APOL6: variants seen among roughly 807,000 people sequenced by gnomAD.
The protein encoded by APOL6 is apolipoprotein L6.
In APOL6, 1 loss-of-function variant was observed where a neutral mutation model predicts 2.4. The observed-to-expected ratio is 0.41, with a 90% CI of 0.15 to 1.94. The LOEUF (loss-of-function observed/expected upper bound fraction) is 1.94, where lower values mean the gene tolerates loss of function less well. Ranked by LOEUF, APOL6 falls within the 30% of genes most tolerant of loss-of-function variation. The pLI is 0.30. For synonymous variants in APOL6, 189 were observed against 169.3 expected, an observed-to-expected ratio of 1.12 and a Z score of -0.90; for missense variants, 438 against 429.2, an observed-to-expected ratio of 1.02 and a Z score of -0.18.
chr22:35,668,018 CT>C lies in APOL6; in HGVS notation c.*8424del, dbSNP rs1375294857. The C allele has an allele frequency of 6.6e-6, 1 of 152,180 alleles. No individual in the cohort carries two copies. Among genetic ancestry groups the C allele is most frequent in the African/African-American group, 2.4e-5 (1 of 41,430 alleles). 9.4% of individuals were successfully genotyped at this position (152,180 alleles called of 1,614,324 possible). Reference sequence around the variant, plus strand: ...CTCCAGCATTAACATCAACACAGACCTTAAGGCTGATAAGAAGCATTTACAA... The same window carrying C: ...CTCCAGCATTAACATCAACACAGACCTAAGGCTGATAAGAAGCATTTACAA... On this transcript the variant is annotated 3_prime_UTR_variant, in exon 3 of 3. Transcript: ENST00000409652.
In APOL6 at chr22:35,662,029, T is replaced by C. The variant is rs2413361; in HGVS notation, c.*2433T>C. 0.99 allele frequency: 150,248 copies of C among 152,290 alleles called. 74,124 individuals carry two copies. The highest frequency in any genetic ancestry group is 1 in the East Asian group (5,176 of 5,178). The allele number at this position is 152,290 out of a possible 1,614,324, so 9.4% of individuals were successfully genotyped here. On this transcript the variant is annotated 3_prime_UTR_variant, in exon 3 of 3. Coordinates refer to ENST00000409652, the MANE Select transcript of APOL6 (RefSeq NM_030641.4). ...CTTGAGCAACTTTTAATTATTCTCCTGTCCTGCAATATGAGTTAATCTTCT... is the reference window on the plus strand; with the variant it reads ...CTTGAGCAACTTTTAATTATTCTCCCGTCCTGCAATATGAGTTAATCTTCT...
rs1344717398 is a variant in APOL6, at chr22:35,661,107, A to G, written c.*1511A>G. On this transcript the variant is annotated 3_prime_UTR_variant, in exon 3 of 3. Coordinates refer to ENST00000409652, the MANE Select transcript of APOL6 (RefSeq NM_030641.4). ...GCAAAGTTTGCCTTATTACACTGAT[A>G]AAGTGTAATTACACTAATAAAGCTG... 6.6e-6 allele frequency: 1 copy of G among 152,142 alleles called. No homozygotes were observed. Among genetic ancestry groups the G allele is most frequent in the Non-Finnish European group, 1.5e-5 (1 of 68,036 alleles). 9.4% of individuals were successfully genotyped at this position (152,142 alleles called of 1,614,324 possible).
At chr22:35,658,590 A>G (rs770328467) in intron 2 of APOL6, 25 bp from the exon 3 acceptor site, 1 of 1,557,184 alleles carries the variant, frequency 6.4e-7, no homozygotes, top group Non-Finnish European at 8.7e-7. Flanking sequence ...AGCTGAAGCA[A>G]AATCTTTATT....
chr22:35,655,587 A>G (rs1924823920), intron 1 of APOL6, among the ~76,000 whole-genome samples: 1 of 152,096 alleles, frequency 6.6e-6, no homozygotes, highest in Non-Finnish European at 1.5e-5. Flanking sequence ...TTAACTATAT[A>G]AAAAAACTAT....
chr22:35,653,794 T>G (rs1924767427), intron 1 of APOL6, among the ~76,000 whole-genome samples: 1 of 152,194 alleles, frequency 6.6e-6, no homozygotes, highest in Non-Finnish European at 1.5e-5. Flanking sequence ...ACAGTTTAAC[T>G]CAATTCTGAC....
In APOL6 at chr22:35,656,429, G is replaced by A; in HGVS notation, c.4G>A (p.Asp2Asn). ...AGATTTGCTGCCACAGAGGCTGATG[G>A]ACAACCAGGCGGAGAGAGAAAGTGA... Reference protein sequence around the residue: MDNQAERESEAG... With the variant: MNNQAERESEAG... Residue 2 changes from aspartate (D) to asparagine (N), a missense_variant, in exon 2 of 3, where the codon GAC (aspartate) becomes AAC (asparagine). By Grantham distance (23) the Asp-to-Asn change is conservative. Transcript: ENST00000409652. 6.2e-7 allele frequency: 1 copy of A among 1,614,114 alleles called. No homozygotes were observed. Among genetic ancestry groups the A allele is most frequent in the Non-Finnish European group, 8.5e-7 (1 of 1,179,990 alleles).
In APOL6 at chr22:35,667,633, A is replaced by G. The variant is rs1925224034; in HGVS notation, c.*8037A>G. 1.3e-5 allele frequency: 2 copies of G among 152,256 alleles called. No homozygotes were observed. Among genetic ancestry groups the G allele is most frequent in the African/African-American group, 4.8e-5 (2 of 41,468 alleles). The allele number at this position is 152,256 out of a possible 1,614,324, so 9.4% of individuals were successfully genotyped here. On this transcript the variant is annotated 3_prime_UTR_variant, in exon 3 of 3. Transcript: ENST00000409652. Reference sequence around the variant, plus strand: ...ATATAAACTTTCAGGGGACACAGACATTCAGACTATAGCACCAAGCTGTAG... The same window carrying G: ...ATATAAACTTTCAGGGGACACAGACGTTCAGACTATAGCACCAAGCTGTAG...
In APOL6 at chr22:35,649,632, C is replaced by A. The variant is rs149917837; in HGVS notation, c.-48+1009C>A. 2.0e-5 allele frequency among the ~76,000 whole-genome samples: 3 copies of A among 152,088 alleles called. No homozygotes were observed. In the East Asian group the frequency reaches 5.8e-4, roughly 29 times the overall value. On this transcript the variant is annotated intron_variant, in intron 1 of 2. Coordinates refer to ENST00000409652, the MANE Select transcript of APOL6 (RefSeq NM_030641.4). ...AAATCCTCTTCCAATAAACCTCTCA[C>A]AAGCAAATCCTCTCGCAACCACCAA...
intron 1 of APOL6, among the ~76,000 whole-genome samples, chr22:35,651,911 C>T (rs1924708020): frequency 2.0e-5 from 3 of 152,086 alleles, no homozygotes; most frequent in Non-Finnish European, 2.9e-5. Context: ...GAGTATATAC[C>T]CAGTAATGGG....
At chr22:35,656,846 G>A (rs1288169316) in intron 2 of APOL6, among the ~76,000 whole-genome samples, 1 of 152,162 alleles carries the variant, frequency 6.6e-6, no homozygotes, top group African/African-American at 2.4e-5. Context: ...ACAAATTAAT[G>A]AATTTAAGCC....
intron 1 of APOL6, among the ~76,000 whole-genome samples, chr22:35,652,208 G>A (rs1173378196): frequency 2.0e-5 from 3 of 152,138 alleles, no homozygotes; most frequent in Non-Finnish European, 4.4e-5. Flanking sequence ...TTTGAGAAGT[G>A]TCTGTTCATA....
chr22:35,655,301 T>G (rs539149490), intron 1 of APOL6, among the ~76,000 whole-genome samples: 2 of 152,278 alleles, frequency 1.3e-5, no homozygotes, highest in African/African-American at 4.8e-5. Context: ...GAAAATTATT[T>G]TTTCCTCTCT....
chr22:35,660,522 G>C lies in APOL6; in HGVS notation c.*926G>C, dbSNP rs1161120026. 2.6e-5 allele frequency: 4 copies of C among 152,256 alleles called. No homozygotes were observed. The highest frequency in any genetic ancestry group is 5.9e-5 in the Non-Finnish European group (4 of 68,044). The allele number at this position is 152,256 out of a possible 1,614,324, so 9.4% of individuals were successfully genotyped here. A position where few individuals can be genotyped will look rare whatever the true frequency, so the allele number is the denominator to read the frequency against. On this transcript the variant is annotated 3_prime_UTR_variant, in exon 3 of 3. Coordinates refer to ENST00000409652, the MANE Select transcript of APOL6 (RefSeq NM_030641.4). ...ATAGCAACCAAAGATGACTAAGCCA[G>C]ACAGGTTATGTCACTCGCCAAGTGT...
rs1044608188 is a variant in APOL6 at position 35,659,156 on chromosome 22, G to A, written c.592G>A (p.Ala198Thr). The change falls in exon 3 of 3, where the codon GCC (alanine) becomes ACC (threonine). Residue 198 changes from alanine to threonine, a missense_variant. Transcript: ENST00000409652. Reference protein sequence around the residue: ...FWKLRANPRLANATKRLLTTG... With the variant: ...FWKLRANPRLTNATKRLLTTG... The stretch of plus-strand genomic sequence containing the variant: ...GAAACTCAGAGCCAACCCACGCTTG[G>A]CCAATGCTACCAAGCGTCTTCTGAC... 6.2e-7 allele frequency: 1 copy of A among 1,614,166 alleles called. No homozygotes were observed. Among genetic ancestry groups the A allele is most frequent in the South Asian group, 1.1e-5 (1 of 91,078 alleles).
chr22:35,653,172 G>A (rs1924746057), intron 1 of APOL6, among the ~76,000 whole-genome samples: 2 of 152,094 alleles, frequency 1.3e-5, no homozygotes, highest in South Asian at 4.2e-4. Context: ...GTGAATGGGA[G>A]TTCACTCATG....
chr22:35,652,498 T>C (rs1326256616), intron 1 of APOL6, among the ~76,000 whole-genome samples: 2 of 152,218 alleles, frequency 1.3e-5, no homozygotes, highest in Admixed American at 1.3e-4. Flanking sequence ...TGATATTGCC[T>C]AGGTTTTCTT....
intron 1 of APOL6, among the ~76,000 whole-genome samples, chr22:35,651,242 A>T (rs1924683532): frequency 6.6e-6 from 1 of 152,194 alleles, no homozygotes; most frequent in African/African-American, 2.4e-5. Flanking sequence ...GGAAGTCAAA[A>T]ATCCCAGTGC....
At position 35,665,626 on chromosome 22, in the gene APOL6, G is replaced by A. The variant is rs1925155488; in HGVS notation, c.*6030G>A. 2 of 152,178 alleles carry A rather than the reference G, an allele frequency of 1.3e-5. No individual in the cohort carries two copies. The highest frequency in any genetic ancestry group is 4.8e-5 in the African/African-American group (2 of 41,448). The allele number at this position is 152,178 out of a possible 1,614,324, so 9.4% of individuals were successfully genotyped here. On this transcript the variant is annotated 3_prime_UTR_variant, in exon 3 of 3. Coordinates refer to ENST00000409652, the MANE Select transcript of APOL6 (RefSeq NM_030641.4). ...TTCATAAAGGTTATAAAAGGCTTATGGAAGTTATATTTTATAATCAAGATT... is the reference window on the plus strand; with the variant it reads ...TTCATAAAGGTTATAAAAGGCTTATAGAAGTTATATTTTATAATCAAGATT...
chr22:35,652,209 T>G (rs1486681914), intron 1 of APOL6, among the ~76,000 whole-genome samples: 1 of 152,198 alleles, frequency 6.6e-6, no homozygotes, highest in Non-Finnish European at 1.5e-5. Flanking sequence ...TTGAGAAGTG[T>G]CTGTTCATAT....
Sources: allele counts gnomAD v4.1 joint callset (sites outside exome capture counted in the v4.1 genomes callset), GRCh38; gene constraint gnomAD v4.1.1; transcripts MANE v1.5; gene names NCBI Gene and HGNC (gene_info 2026-07-23, HGNC 2026-07-21).